Variants in PLCXD3 observed in about 807,000 individuals in gnomAD.
PLCXD3 encodes the protein PI-PLC X domain-containing protein 3.
Under a neutral mutation model 25.5 loss-of-function variants are expected in PLCXD3, and 19 were observed. The observed-to-expected ratio is 0.75, with a 90% CI of 0.52 to 1.09. The LOEUF (loss-of-function observed/expected upper bound fraction) is 1.09, where lower values mean the gene tolerates loss of function less well. Ranked by LOEUF, PLCXD3 falls within the 50% of genes least tolerant of loss-of-function variation. The probability of loss-of-function intolerance (pLI) is 0.00; values close to 1 mark genes in which losing one functional copy is unlikely to be tolerated. For synonymous variants in PLCXD3, 174 were observed against 137.6 expected (o/e 1.26, Z -1.85); for missense variants, 411 against 388.1 (o/e 1.06, Z -0.50).
chr5:41,368,836 T>G (rs1338786423), intron 2 of PLCXD3, among the ~76,000 whole-genome samples: 1 of 152,220 alleles, frequency 6.6e-6, no homozygotes, highest in African/African-American at 2.4e-5. Flanking sequence ...ATAAACATTT[T>G]CAATCTACAG....
At chr5:41,377,228 T>C (rs139673340) in intron 2 of PLCXD3, among the ~76,000 whole-genome samples, 3 of 152,178 alleles carry the variant, frequency 2.0e-5, no homozygotes, top group Admixed American at 6.5e-5. Context: ...GTACCTCCAC[T>C]TGGAGGTTTT....
chr5:41,346,101 G>C (rs1008767403), intron 2 of PLCXD3, among the ~76,000 whole-genome samples: 2 of 151,982 alleles, frequency 1.3e-5, no homozygotes, highest in Non-Finnish European at 2.9e-5. Flanking sequence ...GGCTGGTCTC[G>C]AACTCCTGAC....
chr5:41,490,315 C>G (rs1168604775), intron 1 of PLCXD3, among the ~76,000 whole-genome samples: 1 of 152,166 alleles, frequency 6.6e-6, no homozygotes, highest in Non-Finnish European at 1.5e-5. Flanking sequence ...AGCTTTTTGA[C>G]ATGCTGCTGG....
chr5:41,426,878 TTAA>T (rs1246202154), intron 1 of PLCXD3, among the ~76,000 whole-genome samples: 1 of 152,148 alleles, frequency 6.6e-6, no homozygotes, highest in Non-Finnish European at 1.5e-5. Flanking sequence ...TTGTGCTCAT[TTAA>T]TAATAATCTA....
At chr5:41,440,215 ATTTTTTTTTTTTTTTTTTTTTT>A (rs70988846) in intron 1 of PLCXD3, among the ~76,000 whole-genome samples, 1 of 41,080 alleles carries the variant, frequency 2.4e-5, no homozygotes, top group African/African-American at 1.0e-4. Context: ...TAATCTCTCA[ATTTTTTTTTTTTTTTTTTTTTT>A]TTTTTTTTTT....
intron 2 of PLCXD3, among the ~76,000 whole-genome samples, chr5:41,358,638 T>A (rs1406165540): frequency 6.6e-6 from 1 of 152,212 alleles, no homozygotes; most frequent in East Asian, 1.9e-4. Flanking sequence ...ATTATTTCTT[T>A]CCTTTTTATG....
intron 1 of PLCXD3, among the ~76,000 whole-genome samples, chr5:41,498,937 T>G (rs1313899187): frequency 6.6e-6 from 1 of 151,718 alleles, no homozygotes. Context: ...AGGAGAAGCA[T>G]TTGATAAAAT....
At chr5:41,498,229 G>A (rs1351887705) in intron 1 of PLCXD3, among the ~76,000 whole-genome samples, 1 of 151,168 alleles carries the variant, frequency 6.6e-6, no homozygotes, top group Admixed American at 6.6e-5. Flanking sequence ...AACAGCAATA[G>A]AAAAAATCAA....
intron 1 of PLCXD3, among the ~76,000 whole-genome samples, chr5:41,506,632 CA>C (rs369536093): frequency 2.0e-4 from 31 of 152,260 alleles, no homozygotes; most frequent in African/African-American, 7.5e-4. Context: ...GCTCCAGGAA[CA>C]CAGGCAGCAA....
At chr5:41,347,555 G>A (rs1005131625) in intron 2 of PLCXD3, among the ~76,000 whole-genome samples, 4 of 152,202 alleles carry the variant, frequency 2.6e-5, no homozygotes, top group Non-Finnish European at 4.4e-5. Flanking sequence ...AAGGCAGGGA[G>A]CTTGGTGTAG....
Position 41,312,111 on chromosome 5 carries a change from T to C in PLCXD3, c.*1506A>G, listed in dbSNP as rs1743148309. ...CTCTAAGTTTTTTTTTTTTATTTTT[T>C]AGAGTTGTCAAATATCACAATGACA... On this transcript the variant is annotated 3_prime_UTR_variant, in exon 3 of 3. Transcript: ENST00000377801. 1 of 152,524 alleles carries C rather than the reference T, an allele frequency of 6.6e-6. No individual in the cohort carries two copies. The highest frequency in any genetic ancestry group is 1.5e-5 in the Non-Finnish European group (1 of 68,026). 9.4% of individuals were successfully genotyped at this position (152,524 alleles called of 1,614,324 possible).
At chr5:41,342,222 A>G (rs950583707) in intron 2 of PLCXD3, among the ~76,000 whole-genome samples, 1 of 152,150 alleles carries the variant, frequency 6.6e-6, no homozygotes, top group Admixed American at 6.6e-5. Context: ...CTAATGATGT[A>G]ATAGTTTTTG....
At chr5:41,333,184 C>T (rs555420552) in intron 2 of PLCXD3, among the ~76,000 whole-genome samples, 3 of 152,044 alleles carry the variant, frequency 2.0e-5, no homozygotes, top group East Asian at 3.9e-4. Context: ...CCGTCCCAAC[C>T]CAGCCTAAGA....
intron 2 of PLCXD3, among the ~76,000 whole-genome samples, chr5:41,373,683 CTCTTCT>C (rs150957264): frequency 6.6e-6 from 1 of 151,840 alleles, no homozygotes; most frequent in Non-Finnish European, 1.5e-5. Context: ...CCCCCTTTTC[CTCTTCT>C]TCTTCTTCTT....
chr5:41,313,721 T>A lies in PLCXD3; in HGVS notation c.862A>T (p.Ser288Cys). 3 of 1,613,634 alleles carry A rather than the reference T, an allele frequency of 1.9e-6. No homozygotes were observed. Among genetic ancestry groups the A allele is most frequent in the Non-Finnish European group, 2.5e-6 (3 of 1,179,722 alleles). Residue 288 changes from serine to cysteine, a missense_variant, in exon 3 of 3, where the codon AGT becomes TGT. Physicochemically the swap from Ser to Cys is moderately radical, Grantham distance 112 (BLOSUM62 -1). Transcript: ENST00000377801. ...QWVRTQKPGE[S>C]GINIVTADFV... ...TCGGCAGTGACAATATTGATGCCAC[T>A]CTCTCCTGGCTTCTGCGTGCGGACC... is the stretch of plus-strand genomic sequence containing the variant.
chr5:41,357,017 C>G (rs1214836665), intron 2 of PLCXD3, among the ~76,000 whole-genome samples: 2 of 152,232 alleles, frequency 1.3e-5, no homozygotes, highest in Admixed American at 1.3e-4. Context: ...GAACCATATT[C>G]AGTTTTATGA....
intron 2 of PLCXD3, among the ~76,000 whole-genome samples, chr5:41,379,523 T>C (rs530800644): frequency 6.6e-6 from 1 of 151,910 alleles, no homozygotes; most frequent in Non-Finnish European, 1.5e-5. Flanking sequence ...TCAAAGGCAA[T>C]TGAAGGGTAA....
At chr5:41,504,407 C>T (rs190874958) in intron 1 of PLCXD3, among the ~76,000 whole-genome samples, 14 of 152,200 alleles carry the variant, frequency 9.2e-5, no homozygotes, top group South Asian at 2.1e-4. Context: ...CCTTAGTCCC[C>T]GAGCAATGGA....
chr5:41,354,029 T>C lies in PLCXD3; in HGVS notation c.812+27797A>G, dbSNP rs571445905. ...AGAATCCATACTTCCTCTAGACTTTTTTCTATTTTCTTCCAACTTTTGGTA... is the reference window on the plus strand; with the variant it reads ...AGAATCCATACTTCCTCTAGACTTTCTTCTATTTTCTTCCAACTTTTGGTA... On this transcript the variant is annotated intron_variant, in intron 2 of 2. Transcript: ENST00000377801. 3.3e-5 allele frequency among the ~76,000 whole-genome samples: 5 copies of C among 152,330 alleles called. No homozygotes were observed. The South Asian group carries it at 1.0e-3, about 32-fold the overall frequency.
Sources: allele counts gnomAD v4.1 joint callset (sites outside exome capture counted in the v4.1 genomes callset), GRCh38; gene constraint gnomAD v4.1.1; transcripts MANE v1.5; gene names NCBI Gene and HGNC (gene_info 2026-07-23, HGNC 2026-07-21).